Variants in ZNF536 observed in about 807,000 individuals in gnomAD.
ZNF536 encodes the protein zinc finger protein 536.
A neutral mutation model predicts 84.5 loss-of-function variants in ZNF536; 13 were observed. That is an observed-to-expected ratio of 0.15 (90% confidence interval 0.10 to 0.24). ZNF536 has a LOEUF of 0.24. Ranked by LOEUF, ZNF536 falls within the 10% of genes least tolerant of loss-of-function variation. The probability of loss-of-function intolerance (pLI) is 1.00; values close to 1 mark genes in which losing one functional copy is unlikely to be tolerated. For synonymous variants in ZNF536, 811 were observed against 742.5 expected, an observed-to-expected ratio of 1.09 and a Z score of -1.50; for missense variants, 1,536 against 1,747.5, an observed-to-expected ratio of 0.88 and a Z score of 2.16.
At chr19:30,394,898 GTTGT>G (rs1318877212) in intron 1 of ZNF536, among the ~76,000 whole-genome samples, 2 of 152,154 alleles carry the variant, frequency 1.3e-5, no homozygotes, top group African/African-American at 2.4e-5. Context: ...CATGTGAAGG[GTTGT>G]TTAAGGGGTC....
At chr19:30,614,036 T>G (rs2048195168) in intron 1 of ZNF536, among the ~76,000 whole-genome samples, 1 of 152,210 alleles carries the variant, frequency 6.6e-6, no homozygotes, top group African/African-American at 2.4e-5. Flanking sequence ...CTAATTTTTG[T>G]ATTTTTAGTA....
At chr19:30,392,531 C>T (rs2049640598) in intron 1 of ZNF536, among the ~76,000 whole-genome samples, 1 of 152,204 alleles carries the variant, frequency 6.6e-6, no homozygotes, top group Non-Finnish European at 1.5e-5. Context: ...CTCCTGAATG[C>T]CACGGCCTCC....
chr19:30,670,641 G>C (rs930706254), intron 1 of ZNF536, among the ~76,000 whole-genome samples: 6 of 152,202 alleles, frequency 3.9e-5, no homozygotes, highest in Non-Finnish European at 7.4e-5. Context: ...GTTTTGTTGG[G>C]GGAGGCATTT....
At chr19:30,576,210 G>T (rs1399312176) in intron 1 of ZNF536, among the ~76,000 whole-genome samples, 2 of 152,194 alleles carry the variant, frequency 1.3e-5, no homozygotes, top group Non-Finnish European at 2.9e-5. Context: ...TGCTGGGCGT[G>T]GGGGACCCAT....
intron 2 of ZNF536, chr19:30,300,337 T>C: frequency 6.6e-6 from 1 of 152,200 alleles, no homozygotes; most frequent in East Asian, 1.9e-4. Flanking sequence ...CTACATTTAT[T>C]TCCTGGGGTC....
intron 2 of ZNF536, among the ~76,000 whole-genome samples, chr19:30,494,099 G>T (rs1192229038): frequency 1.3e-5 from 2 of 152,128 alleles, no homozygotes; most frequent in African/African-American, 2.4e-5. Flanking sequence ...CTTAAAAAAA[G>T]GTTCAGAACA....
intron 3 of ZNF536, among the ~76,000 whole-genome samples, chr19:30,535,694 T>C (rs2045045237): frequency 6.6e-6 from 1 of 151,908 alleles, no homozygotes; most frequent in Non-Finnish European, 1.5e-5. Context: ...CTTTTTAGCT[T>C]TCTGCTTGTT....
intron 1 of ZNF536, among the ~76,000 whole-genome samples, chr19:30,275,147 C>T (rs917183928): frequency 6.6e-6 from 1 of 152,164 alleles, no homozygotes; most frequent in African/African-American, 2.4e-5. Context: ...GCCTGCCAGG[C>T]ACTGACTGCT....
chr19:30,469,799 G>T (rs1436999130), intron 2 of ZNF536, among the ~76,000 whole-genome samples: 2 of 152,094 alleles, frequency 1.3e-5, no homozygotes, highest in African/African-American at 4.8e-5. Flanking sequence ...AGCCAGGGAT[G>T]CCAGAGGTGG....
At chr19:30,604,890 G>T (rs186667551) in intron 1 of ZNF536, among the ~76,000 whole-genome samples, 1 of 152,204 alleles carries the variant, frequency 6.6e-6, no homozygotes, top group South Asian at 2.1e-4. Flanking sequence ...GCATGATGGG[G>T]CTTCTGGAGA....
intron 2 of ZNF536, among the ~76,000 whole-genome samples, chr19:30,524,152 C>T (rs937409813): frequency 1.3e-5 from 2 of 152,190 alleles, no homozygotes; most frequent in African/African-American, 4.8e-5. Context: ...GTGTGTGTGT[C>T]TCTCATGCAA....
rs758847308 is a variant in ZNF536 at position 30,443,769 on chromosome 19, C to T, written c.207C>T (p.His69=). 7 of 1,612,814 alleles carry T rather than the reference C, an allele frequency of 4.3e-6. No individual in the cohort carries two copies. Among genetic ancestry groups the T allele is most frequent in the East Asian group, 2.2e-5 (1 of 44,868 alleles). Residue 69 remains histidine (H), a synonymous_variant, in exon 2 of 5, where the codon CAC becomes CAT. Coordinates refer to ENST00000355537, the MANE Select transcript of ZNF536 (RefSeq NM_014717.3). ...CCGCATCCCTGGAGGAGAAGGCCCA[C>T]GTGCCCATGAGCGGCCAGCCCATGG... ...KPPASLEEKA[H]VPMSGQPMGS...
chr19:30,502,592 A>G (rs1257222941), intron 2 of ZNF536, among the ~76,000 whole-genome samples: 1 of 152,188 alleles, frequency 6.6e-6, no homozygotes, highest in Non-Finnish European at 1.5e-5. Flanking sequence ...TCGTCTCATC[A>G]ACCTGGACAT....
intron 1 of ZNF536, among the ~76,000 whole-genome samples, chr19:30,375,837 AT>A (rs1490099242): frequency 6.6e-6 from 1 of 152,124 alleles, no homozygotes; most frequent in African/African-American, 2.4e-5. Flanking sequence ...TGTGGGTGCT[AT>A]CTGCACTTGT....
chr19:30,346,020 A>T (rs771523965), intron 2 of ZNF536, among the ~76,000 whole-genome samples: 1 of 152,204 alleles, frequency 6.6e-6, no homozygotes, highest in Non-Finnish European at 1.5e-5. Context: ...ACCCCAGATG[A>T]CTACCAGACA....
At chr19:30,620,447 A>G (rs2048443519) in intron 1 of ZNF536, among the ~76,000 whole-genome samples, 1 of 152,212 alleles carries the variant, frequency 6.6e-6, no homozygotes, top group Admixed American at 6.5e-5. Context: ...CCTGGAAGGG[A>G]CAGTGGAACT....
intron 2 of ZNF536, among the ~76,000 whole-genome samples, chr19:30,320,293 AATC>A (rs1368684502): frequency 3.3e-5 from 5 of 152,228 alleles, no homozygotes; most frequent in African/African-American, 1.2e-4. Flanking sequence ...TAGAAATGTT[AATC>A]ATGTTTAATA....
At chr19:30,367,326 A>C (rs1368482608) in intron 3 of ZNF536, among the ~76,000 whole-genome samples, 10 of 152,186 alleles carry the variant, frequency 6.6e-5, no homozygotes, top group Admixed American at 5.2e-4. Context: ...TTCCTGAATG[A>C]AGTGTCTCAG....
In ZNF536 at chr19:30,678,946, GAATAA is replaced by G. The variant is rs1025149937; in HGVS notation, c.170-31798_170-31794del. Among the ~76,000 whole-genome samples the G allele has an allele frequency of 7.9e-5, 12 of 152,124 alleles. No individual in the cohort carries two copies. The South Asian group carries it at 8.3e-4, about 11-fold the overall frequency. ...GTGAGACTCCATCCTAAAAAGAAAT[GAATAA>G]AATAAAATAAAAGAGTAGCACGTTG... is the stretch of plus-strand genomic sequence containing the variant. On this transcript the variant is annotated intron_variant, in intron 1 of 1. Transcript: ENST00000592773.
Sources: gnomAD v4.1 joint callset for allele counts (sites outside exome capture counted in the v4.1 genomes callset) on GRCh38, gnomAD v4.1.1 for gene constraint, MANE v1.5 for transcripts, NCBI Gene and HGNC (gene_info 2026-07-23, HGNC 2026-07-21) for gene names.